The following SGK2 variants were observed in gnomAD, a reference collection of about 807,000 sequenced individuals.
SGK2 encodes the protein serine/threonine-protein kinase Sgk2.
SGK2 carries 36 observed loss-of-function variants against 47.5 expected under a neutral mutation model. That is an observed-to-expected ratio of 0.76 (90% CI 0.58 to 1.00). The LOEUF is 1.00. Among genes scored for constraint, SGK2 ranks in the 50% least tolerant of loss-of-function variants. SGK2 has a pLI of 0.00. For synonymous variants in SGK2, 157 were observed against 181.9 expected (o/e 0.86, Z 1.10); for missense variants, 404 against 467.4 (o/e 0.86, Z 1.25).
At chr20:43,583,330 G>C (rs1434431634) in intron 12 of SGK2, 1 of 1,282,492 alleles carries the variant, frequency 7.8e-7, no homozygotes, top group East Asian at 5.6e-5. Context: ...AGACACTCCG[G>C]AGCTGGATTC....
At chr20:43,574,144 C>G (rs1340244230) in intron 9 of SGK2, among the ~76,000 whole-genome samples, 2 of 152,366 alleles carry the variant, frequency 1.3e-5, no homozygotes, top group East Asian at 3.9e-4. Context: ...GTCTGTGTGA[C>G]TCTGCCCTTC....
intron 11 of SGK2, among the ~76,000 whole-genome samples, chr20:43,577,053 G>A (rs933173017): frequency 1.3e-5 from 2 of 152,170 alleles, no homozygotes; most frequent in Admixed American, 6.5e-5. Flanking sequence ...ATAATGAGCT[G>A]AGATAGACAA....
chr20:43,570,904 T>G, intron 7 of SGK2, 120 bp from the exon 8 acceptor site: 6 of 1,506,778 alleles, frequency 4.0e-6, no homozygotes, highest in Non-Finnish European at 5.5e-6. Context: ...GCTCTCCTTC[T>G]GCATCTCTGG....
At chr20:43,577,868 C>T (rs190063316) in intron 11 of SGK2, among the ~76,000 whole-genome samples, 28 of 151,836 alleles carry the variant, frequency 1.8e-4, no homozygotes, top group Non-Finnish European at 3.5e-4. Flanking sequence ...TGGTCTCGAA[C>T]GCCTGACCTC....
intron 11 of SGK2, among the ~76,000 whole-genome samples, chr20:43,579,010 G>GC: frequency 3.5e-5 from 2 of 57,222 alleles, no homozygotes; most frequent in Admixed American, 2.3e-4. Flanking sequence ...TCTTTCGGAG[G>GC]CTTTTTTTTT....
intron 6 of SGK2, 55 bp from the exon 7 acceptor site, chr20:43,570,562 C>G (rs544657242): frequency 3.2e-6 from 4 of 1,251,316 alleles, no homozygotes; most frequent in Non-Finnish European, 4.6e-6. Flanking sequence ...GCAGGTGCAC[C>G]CTAGCCCTAC....
chr20:43,571,186 G>A (rs1980107053), intron 8 of SGK2, 126 bp downstream of exon 8: 25 of 1,458,874 alleles, frequency 1.7e-5, no homozygotes, highest in Middle Eastern at 1.8e-4. Context: ...TATAGGTAGA[G>A]GAGGCATTTG....
intron 1 of SGK2, among the ~76,000 whole-genome samples, chr20:43,561,888 G>A (rs554196735): frequency 7.2e-5 from 11 of 152,230 alleles, no homozygotes; most frequent in South Asian, 4.1e-4. Flanking sequence ...CAGGCAGGGC[G>A]GTTGCAGCAA....
chr20:43,572,275 T>G lies in SGK2; in HGVS notation c.597+138T>G. 1 of 652,332 alleles carries G rather than the reference T, an allele frequency of 1.5e-6. No homozygotes were observed. Among genetic ancestry groups the G allele is most frequent in the Non-Finnish European group, 2.7e-6 (1 of 366,364 alleles). The allele number at this position is 652,332 out of a possible 1,614,324, so 40.4% of individuals were successfully genotyped here. ...CTCCTGAGTGGGCTATACACTGAAC[T>G]GTGGTTTCCTCATCTATGTAATGGG... is the stretch of plus-strand genomic sequence containing the variant. On this transcript the variant is annotated intron_variant, in intron 9 of 12. Coordinates refer to ENST00000373100, the MANE Select transcript of SGK2 (RefSeq NM_170693.3). The surrounding 1 kb of genome is among the most constrained non-coding windows in gnomAD (Gnocchi z 4.2).
intron 6 of SGK2, chr20:43,569,745 A>G (rs901274156): frequency 4.3e-5 from 22 of 517,526 alleles, no homozygotes; most frequent in Admixed American, 6.5e-5. Flanking sequence ...ACTCCCCACC[A>G]TAATGCTTTC....
chr20:43,570,591 C>G (rs1336261919), intron 6 of SGK2, 26 bp from the exon 7 acceptor site: 10 of 1,529,986 alleles, frequency 6.5e-6, no homozygotes, highest in African/African-American at 1.4e-5. Context: ...CCCAATAACT[C>G]CTGTCACACT....
intron 6 of SGK2, 176 bp downstream of exon 6, chr20:43,569,692 G>C (rs1979979368): frequency 1.6e-6 from 1 of 644,790 alleles, no homozygotes; most frequent in Admixed American, 2.9e-5. Context: ...AGGCCACCCA[G>C]CGCATACCTG....
At chr20:43,566,036 G>T in intron 1 of SGK2, 2 of 334,810 alleles carry the variant, frequency 6.0e-6, no homozygotes, top group Non-Finnish European at 1.1e-5. Context: ...GCTTCACAAG[G>T]CTATGTGGCC....
chr20:43,570,558 G>GC lies in SGK2; in HGVS notation c.361-58dup, dbSNP rs1980031374. The stretch of plus-strand genomic sequence containing the variant: ...CAGCCGCACAGGGCGGGGAGCAGGT[G>GC]CACCCTAGCCCTACAGCAGCCACCC... On this transcript the variant is annotated intron_variant, in intron 6 of 12. Transcript: ENST00000373100. 4 of 1,156,514 alleles carry GC rather than the reference G, an allele frequency of 3.5e-6. No individual in the cohort carries two copies. In the East Asian group the frequency reaches 9.5e-5, roughly 27 times the overall value. 71.6% of individuals were successfully genotyped at this position (1,156,514 alleles called of 1,614,324 possible). A position where few individuals can be genotyped will look rare whatever the true frequency, so the allele number is the denominator to read the frequency against.
chr20:43,575,057 C>A, intron 10 of SGK2, 53 bp downstream of exon 10: 3 of 1,229,430 alleles, frequency 2.4e-6, no homozygotes, highest in Non-Finnish European at 3.6e-6. Flanking sequence ...ATGGGTCTGT[C>A]TCTCATGTGG....
chr20:43,581,575 C>T (rs1980799441), intron 12 of SGK2, among the ~76,000 whole-genome samples: 1 of 151,888 alleles, frequency 6.6e-6, no homozygotes, highest in Non-Finnish European at 1.5e-5. Flanking sequence ...TTTTTTGAGA[C>T]AGAGTCTCGT....
At chr20:43,563,888 C>G (rs1388305214) in intron 1 of SGK2, among the ~76,000 whole-genome samples, 1 of 152,228 alleles carries the variant, frequency 6.6e-6, no homozygotes, top group Non-Finnish European at 1.5e-5. Context: ...CAGGTTTTCT[C>G]TGGTCAACAC....
chr20:43,568,058 G>C, intron 5 of SGK2, 59 bp downstream of exon 5: 6 of 1,458,300 alleles, frequency 4.1e-6, no homozygotes, highest in Non-Finnish European at 5.8e-6. Flanking sequence ...AGCCTAGGGT[G>C]GCTTTCAAAG....
chr20:43,561,610 G>A lies in SGK2; in HGVS notation c.-24+2451G>A, dbSNP rs187831937. ...TCACCATGTTGGCCAGGATGGTTTC[G>A]ATCTCTGACCTCATGATCCACCCGC... is the stretch of plus-strand genomic sequence containing the variant. On this transcript the variant is annotated intron_variant, in intron 1 of 12. Transcript: ENST00000373100. 3.2e-4 allele frequency among the ~76,000 whole-genome samples: 48 copies of A among 151,976 alleles called. No individual in the cohort carries two copies. In the East Asian group the frequency reaches 7.7e-3, roughly 25 times the overall value.
Sources: gnomAD v4.1 joint callset for allele counts (sites outside exome capture counted in the v4.1 genomes callset) on GRCh38, gnomAD v4.1.1 for gene constraint, Gnocchi (gnomAD v3.1) non-coding constraint, MANE v1.5 for transcripts, NCBI Gene and HGNC (gene_info 2026-07-23, HGNC 2026-07-21) for gene names.